TVP23C: variants seen among roughly 807,000 people sequenced by gnomAD.
TVP23C encodes the protein Golgi apparatus membrane protein TVP23 homolog C.
A neutral mutation model predicts 28.7 loss-of-function variants in TVP23C; 19 were observed. The observed-to-expected ratio is 0.66, with a 90% CI of 0.46 to 0.97. The LOEUF is 0.97. Among genes scored for constraint, TVP23C ranks in the 50% least tolerant of loss-of-function variants. The probability of loss-of-function intolerance (pLI) is 0.00; values close to 1 mark genes in which losing one functional copy is unlikely to be tolerated. For missense variants in TVP23C, 186 were observed against 241.3 expected (o/e 0.77, Z 1.52); for synonymous variants, 68 against 81.7 (o/e 0.83, Z 0.90).
intron 5 of TVP23C, among the ~76,000 whole-genome samples, chr17:15,515,832 A>G (rs965795491): frequency 1.3e-5 from 2 of 152,134 alleles, no homozygotes; most frequent in Non-Finnish European, 1.5e-5. Flanking sequence ...TGCCTGTCTC[A>G]TGTTGAAATG....
At chr17:15,515,479 A>C (rs1982185253) in intron 5 of TVP23C, among the ~76,000 whole-genome samples, 1 of 152,206 alleles carries the variant, frequency 6.6e-6, no homozygotes, top group African/African-American at 2.4e-5. Flanking sequence ...CGGGAAACAT[A>C]CAGGCCCAGT....
intron 3 of TVP23C, among the ~76,000 whole-genome samples, chr17:15,549,445 G>T (rs1422876009): frequency 6.6e-6 from 1 of 152,134 alleles, no homozygotes; most frequent in East Asian, 1.9e-4. Context: ...GATATAAGAT[G>T]CCTGGCCAGG....
intron 5 of TVP23C, among the ~76,000 whole-genome samples, chr17:15,505,848 G>A (rs149188782): frequency 0.043 from 6,495 of 152,324 alleles, 188 homozygotes; most frequent in Non-Finnish European, 0.067. Flanking sequence ...GGCTGCGTAC[G>A]GTGTACTGGG....
At chr17:15,547,340 G>C (rs148735707) in intron 3 of TVP23C, among the ~76,000 whole-genome samples, 192 bp from the exon 4 acceptor site, 3,236 of 152,216 alleles carry the variant, frequency 0.021, 99 homozygotes, top group African/African-American at 0.074. Flanking sequence ...AGGACTAATA[G>C]GGGTAGAGGT....
At position 15,537,632 on chromosome 17, in the gene TVP23C, A is replaced by C. The variant is rs186573591; in HGVS notation, c.*2780T>G. ...AATTTCCCCATGAAGTACATATTAA[A>C]AACTAACAATTATTTCTAACTTATA... On this transcript the variant is annotated 3_prime_UTR_variant, in exon 6 of 6. Coordinates refer to ENST00000518321, the MANE Select transcript of TVP23C (RefSeq NM_001135036.2). 41 of 985,542 alleles carry C rather than the reference A, an allele frequency of 4.2e-5. No homozygotes were observed. In the African/African-American group the frequency reaches 6.1e-4, roughly 15 times the overall value. 61.0% of individuals were successfully genotyped at this position (985,542 alleles called of 1,614,324 possible). A position where few individuals can be genotyped will look rare whatever the true frequency, so the allele number is the denominator to read the frequency against.
In TVP23C at chr17:15,502,995, G is replaced by A. The variant is rs1458195231; in HGVS notation, c.700C>T (p.Gln234Ter). The A allele has an allele frequency of 1.9e-6, 3 of 1,614,152 alleles. No individual in the cohort carries two copies. Among genetic ancestry groups the A allele is most frequent in the Admixed American group, 1.7e-5 (1 of 60,028 alleles). ...AATAGGCGGGCGGGCGCCATCTGTT[G>A]GCAGTTGCCTGGAGCCGCACGAAGA... The change falls in exon 6 of 6, where the codon CAA (glutamine) becomes TAA (stop). Residue 234 changes from glutamine to a stop codon, truncating the protein, a stop_gained. Coordinates refer to the TVP23C transcript ENST00000225576. LOFTEE classifies it low-confidence loss of function (END_TRUNC).
At chr17:15,513,683 C>G (rs1982098679) in intron 5 of TVP23C, among the ~76,000 whole-genome samples, 1 of 152,150 alleles carries the variant, frequency 6.6e-6, no homozygotes, top group Non-Finnish European at 1.5e-5. Context: ...TAGTATCCAC[C>G]AAATGCTTAG....
In TVP23C at chr17:15,555,319, C is replaced by T. The variant is rs771643969; in HGVS notation, c.58G>A (p.Glu20Lys). The change falls in exon 2 of 6, where the codon GAG becomes AAG. Residue 20 changes from glutamate (E) to lysine (K), a missense_variant. Around this residue, in one of 3 missense-constraint regions of TVP23C, gnomAD observed 92 missense variants for 94.3 expected, o/e 0.98. Coordinates refer to ENST00000518321, the MANE Select transcript of TVP23C (RefSeq NM_001135036.2). ...TTTCTTGGTCTATTAGTCGTCTCCT[C>T]TTCCGCATCAAACAGTGAAACATCT... ...TEDVSLFDAE[E>K]ETTNRPRKAK... is the part of the protein sequence containing the mutation. 4.3e-6 allele frequency: 7 copies of T among 1,613,868 alleles called. No homozygotes were observed. The Admixed American group carries it at 1.0e-4, about 23-fold the overall frequency.
At chr17:15,541,619 T>G (rs1983413934) in intron 5 of TVP23C, among the ~76,000 whole-genome samples, 1 of 152,144 alleles carries the variant, frequency 6.6e-6, no homozygotes, top group Admixed American at 6.5e-5. Flanking sequence ...ACAAGATGTA[T>G]AGCTGATTTT....
At chr17:15,504,444 T>C (rs1428494917) in intron 5 of TVP23C, among the ~76,000 whole-genome samples, 2 of 151,976 alleles carry the variant, frequency 1.3e-5, no homozygotes, top group Admixed American at 6.5e-5. Context: ...AAATAAGGAG[T>C]TGCTGGAAGA....
rs1023083196 is a variant in TVP23C at position 15,539,389 on chromosome 17, C to T, written c.*1023G>A. The T allele has an allele frequency of 2.7e-6, 2 of 743,338 alleles. No individual in the cohort carries two copies. Among genetic ancestry groups the T allele is most frequent in the South Asian group, 6.0e-5 (1 of 16,588 alleles). The allele number at this position is 743,338 out of a possible 1,614,324, so 46.0% of individuals were successfully genotyped here. The stretch of plus-strand genomic sequence containing the variant: ...TTGGGAGGCGGAGGCAGGCGGATCA[C>T]GAGGTCAGGAGATCGAGACCATCCT... On this transcript the variant is annotated 3_prime_UTR_variant, in exon 6 of 6. Transcript: ENST00000518321.
At chr17:15,530,863 C>T (rs1982924630) in intron 5 of TVP23C, 1 of 152,100 alleles carries the variant, frequency 6.6e-6, no homozygotes, top group African/African-American at 2.4e-5. Context: ...CTGCCTCAGC[C>T]TCCTGAGTAG....
chr17:15,503,447 C>A, intron 5 of TVP23C: 1 of 510,300 alleles, frequency 2.0e-6, no homozygotes, highest in Non-Finnish European at 3.4e-6. Flanking sequence ...TGCTTTAGAA[C>A]GCCTCAGTGC....
intron 5 of TVP23C, among the ~76,000 whole-genome samples, chr17:15,521,296 A>T (rs1448125505): frequency 6.6e-6 from 1 of 152,124 alleles, no homozygotes; most frequent in Admixed American, 6.5e-5. Flanking sequence ...CAAGGTCAGG[A>T]GATCAAGACC....
intron 5 of TVP23C, among the ~76,000 whole-genome samples, chr17:15,513,370 A>G (rs1405456461): frequency 6.6e-6 from 1 of 152,230 alleles, no homozygotes. Context: ...AAAACTTTCT[A>G]TGTGAAAACA....
chr17:15,547,242 A>G (rs559774756), intron 3 of TVP23C, 94 bp from the exon 4 acceptor site: 4 of 1,583,762 alleles, frequency 2.5e-6, no homozygotes, highest in Non-Finnish European at 3.4e-6. Context: ...CACAAACAAA[A>G]ACCTTCAGCT....
chr17:15,511,539 C>T (rs536490359), intron 5 of TVP23C, among the ~76,000 whole-genome samples: 11 of 152,282 alleles, frequency 7.2e-5, no homozygotes, highest in African/African-American at 2.4e-4. Flanking sequence ...AGTAGAGTTT[C>T]TGGGAGCCCT....
chr17:15,519,063 C>T (rs957164823), intron 5 of TVP23C, among the ~76,000 whole-genome samples: 1 of 152,156 alleles, frequency 6.6e-6, no homozygotes, highest in African/African-American at 2.4e-5. Context: ...CACCTACCAC[C>T]ATGACTATAA....
At chr17:15,503,403 AT>A in intron 5 of TVP23C, 1 of 831,218 alleles carries the variant, frequency 1.2e-6, no homozygotes, top group Non-Finnish European at 1.8e-6. Flanking sequence ...AGACCATGAT[AT>A]TTCAAGAAAA....
Sources: allele counts gnomAD v4.1 joint callset (sites outside exome capture counted in the v4.1 genomes callset), GRCh38; gene constraint gnomAD v4.1.1; regional missense constraint gnomAD v4.1.1; transcripts MANE v1.5; gene names NCBI Gene and HGNC (gene_info 2026-07-23, HGNC 2026-07-21).